ASTN2: variants seen among roughly 807,000 people sequenced by gnomAD.
ASTN2 encodes astrotactin-2.
A neutral mutation model predicts 139.8 loss-of-function variants in ASTN2; 54 were observed. The observed-to-expected ratio is 0.39, with a 90% CI of 0.31 to 0.48. The LOEUF is 0.48. Among genes scored for constraint, ASTN2 ranks in the 20% least tolerant of loss-of-function variants. The pLI, the probability that ASTN2 is intolerant of heterozygous loss-of-function variation, is 0.95. For synonymous variants in ASTN2, 756 were observed against 719.5 expected (o/e 1.05, Z -0.81); for missense variants, 1,565 against 1,725.1 (o/e 0.91, Z 1.64).
chr9:116,427,769 G>A (rs922026488), intron 22 of ASTN2, among the ~76,000 whole-genome samples: 7 of 152,226 alleles, frequency 4.6e-5, no homozygotes, highest in Non-Finnish European at 8.8e-5. Context: ...ATTTCCTGAG[G>A]TGCCAAGAAT....
At position 116,980,654 on chromosome 9, in the gene ASTN2, G is replaced by A. The variant is rs1043904755; in HGVS notation, c.1592-3869C>T. Among the ~76,000 whole-genome samples the A allele has an allele frequency of 2.0e-5, 3 of 152,268 alleles. No homozygotes were observed. The East Asian group carries it at 5.8e-4, about 29-fold the overall frequency. On this transcript the variant is annotated intron_variant, in intron 7 of 22. Coordinates refer to ENST00000313400, the MANE Select transcript of ASTN2 (RefSeq NM_001365068.1). ...CCCTAACCTCTGCTTTCTGGATACT[G>A]TTTGTTTTAGTTTCAGCTGCAATCA...
At chr9:117,072,607 G>A (rs1828165343) in intron 5 of ASTN2, among the ~76,000 whole-genome samples, 2 of 152,172 alleles carry the variant, frequency 1.3e-5, no homozygotes, top group South Asian at 4.1e-4. Flanking sequence ...CTAAGTCAGG[G>A]CCCTTTGTAG....
intron 3 of ASTN2, among the ~76,000 whole-genome samples, chr9:117,209,750 C>A (rs143008831): frequency 1.6e-3 from 251 of 152,182 alleles, no homozygotes; most frequent in African/African-American, 5.7e-3. Context: ...CTGCAAAGGG[C>A]AAGATTCTTT....
intron 19 of ASTN2, chr9:116,613,037 G>A (rs1250574051): frequency 6.6e-6 from 1 of 151,840 alleles, no homozygotes; most frequent in African/African-American, 2.4e-5. Context: ...ATGATAAAGG[G>A]GATATCACCA....
intron 17 of ASTN2, among the ~76,000 whole-genome samples, chr9:116,634,001 T>C (rs939386955): frequency 1.3e-5 from 2 of 152,114 alleles, no homozygotes; most frequent in South Asian, 2.1e-4. Context: ...GACGGAGGGA[T>C]GGTAGAACAT....
chr9:116,854,943 C>T (rs369628722), intron 11 of ASTN2, among the ~76,000 whole-genome samples: 86 of 151,536 alleles, frequency 5.7e-4, no homozygotes, highest in Non-Finnish European at 8.1e-4. Context: ...TGAGCCACCG[C>T]GCCCGGCCTC....
At chr9:117,344,475 T>A (rs550015016) in intron 1 of ASTN2, among the ~76,000 whole-genome samples, 5 of 152,248 alleles carry the variant, frequency 3.3e-5, no homozygotes, top group African/African-American at 9.6e-5. Flanking sequence ...TAACGCTCAG[T>A]ACCACAAACC....
chr9:117,025,591 C>T (rs1017123026), intron 6 of ASTN2, among the ~76,000 whole-genome samples: 20 of 152,136 alleles, frequency 1.3e-4, no homozygotes, highest in African/African-American at 4.8e-4. Context: ...TGATCACTCT[C>T]TCATCCTCCA....
At chr9:116,978,641 T>C (rs1300319656) in intron 7 of ASTN2, among the ~76,000 whole-genome samples, 1 of 152,132 alleles carries the variant, frequency 6.6e-6, no homozygotes, top group Non-Finnish European at 1.5e-5. Context: ...ACTATGCAAA[T>C]TTTATATTTT....
chr9:116,830,457 G>C (rs9802585), intron 11 of ASTN2, among the ~76,000 whole-genome samples: 33,691 of 151,852 alleles, frequency 0.22, 4,231 homozygotes, highest in Admixed American at 0.29. Flanking sequence ...ATTCAATCCA[G>C]CAATCCCACT....
chr9:116,742,892 G>T (rs908481496), intron 13 of ASTN2, among the ~76,000 whole-genome samples: 8 of 152,218 alleles, frequency 5.3e-5, no homozygotes, highest in Middle Eastern at 3.2e-3. Context: ...GGGCTTCAGA[G>T]TGTTGAGACC....
At chr9:117,280,670 G>T (rs557497448) in intron 2 of ASTN2, among the ~76,000 whole-genome samples, 1 of 152,210 alleles carries the variant, frequency 6.6e-6, no homozygotes, top group South Asian at 2.1e-4. Context: ...CAGACTTCTG[G>T]CCTCCAAAAC....
intron 19 of ASTN2, among the ~76,000 whole-genome samples, chr9:116,511,989 G>A (rs545630725): frequency 8.6e-5 from 13 of 151,990 alleles, no homozygotes; most frequent in African/African-American, 2.4e-4. Context: ...AGGGTTTTTC[G>A]TGTCTCTAAC....
At position 116,969,592 on chromosome 9, in the gene ASTN2, C is replaced by A. The variant is rs4629949; in HGVS notation, c.1889+5616G>T. ...ACCAGAGAAACACAGAGATGAGGGA[C>A]GAAAAGAAACAGGAATAGTGAGTCC... is the stretch of plus-strand genomic sequence containing the variant. On this transcript the variant is annotated intron_variant, in intron 10 of 22. Transcript: ENST00000313400. Among the ~76,000 whole-genome samples the A allele has an allele frequency of 6.9e-3, 1,053 of 151,808 alleles. 18 individuals are homozygous for A. The highest frequency in any genetic ancestry group is 0.024 in the African/African-American group (995 of 41,396).
chr9:117,152,224 T>G (rs1304437461), intron 3 of ASTN2, among the ~76,000 whole-genome samples: 1 of 152,206 alleles, frequency 6.6e-6, no homozygotes, highest in Non-Finnish European at 1.5e-5. Context: ...TTATCATTAT[T>G]GTTATCCGGC....
At chr9:117,222,881 G>GAAA (rs112879842) in intron 2 of ASTN2, among the ~76,000 whole-genome samples, 1 of 145,974 alleles carries the variant, frequency 6.9e-6, no homozygotes, top group African/African-American at 2.5e-5. Flanking sequence ...GTGTACAGAT[G>GAAA]AAAAAAAAAA....
At chr9:116,658,327 A>G (rs1858350265) in intron 16 of ASTN2, among the ~76,000 whole-genome samples, 1 of 152,142 alleles carries the variant, frequency 6.6e-6, no homozygotes, top group Admixed American at 6.6e-5. Context: ...ACAGAACAGA[A>G]GGAGCTGCAT....
intron 10 of ASTN2, among the ~76,000 whole-genome samples, chr9:116,939,388 T>A (rs1835165437): frequency 1.3e-5 from 2 of 152,088 alleles, no homozygotes; most frequent in Non-Finnish European, 2.9e-5. Context: ...AATATTTGCT[T>A]TTGTTATTTA....
chr9:116,862,827 CACACACACACACACAT>C (rs1291214681), intron 11 of ASTN2, among the ~76,000 whole-genome samples: 5 of 84,698 alleles, frequency 5.9e-5, no homozygotes, highest in East Asian at 6.7e-4. Flanking sequence ...CACACACACA[CACACACACACACACAT>C]ACACGTTAAA....
Sources: allele counts gnomAD v4.1 joint callset (sites outside exome capture counted in the v4.1 genomes callset), GRCh38; gene constraint gnomAD v4.1.1; transcripts MANE v1.5; gene names NCBI Gene and HGNC (gene_info 2026-07-23, HGNC 2026-07-21).